TNIK: variants seen among roughly 807,000 people sequenced by gnomAD.
TNIK encodes the protein TRAF2 and NCK-interacting protein kinase.
TNIK carries 49 observed loss-of-function variants against 191.3 expected under a neutral mutation model. The observed-to-expected ratio is 0.26, with a 90% CI of 0.20 to 0.32. TNIK has a LOEUF of 0.32. Among genes scored for constraint, TNIK ranks in the 10% least tolerant of loss-of-function variants. The pLI is 1.00. For missense variants in TNIK, 1,155 were observed against 1,702.3 expected, an observed-to-expected ratio of 0.68 and a Z score of 5.66; for synonymous variants, 594 against 600.9, an observed-to-expected ratio of 0.99 and a Z score of 0.17.
chr3:171,293,132 G>A (rs2082015772), intron 2 of TNIK, among the ~76,000 whole-genome samples: 1 of 152,134 alleles, frequency 6.6e-6, no homozygotes, highest in South Asian at 2.1e-4. Context: ...TCTGTGGAAA[G>A]GTTAGTGTGT....
chr3:171,337,978 A>T (rs1757128505), intron 2 of TNIK, among the ~76,000 whole-genome samples: 1 of 152,176 alleles, frequency 6.6e-6, no homozygotes, highest in Non-Finnish European at 1.5e-5. Context: ...AAGGGAGAGA[A>T]GCTGTTCTAA....
intron 23 of TNIK, among the ~76,000 whole-genome samples, chr3:171,091,569 C>T (rs927423169): frequency 1.3e-5 from 2 of 152,008 alleles, no homozygotes; most frequent in Admixed American, 1.3e-4. Context: ...ACAGTGAAAC[C>T]CCATCTCTAC....
chr3:171,231,017 G>A (rs1246479775), intron 2 of TNIK, among the ~76,000 whole-genome samples: 2 of 152,214 alleles, frequency 1.3e-5, no homozygotes, highest in East Asian at 3.9e-4. Flanking sequence ...TGCACTTTGA[G>A]AGACTTTGCA....
chr3:171,093,440 T>C (rs1259157502), intron 23 of TNIK, among the ~76,000 whole-genome samples: 1 of 152,216 alleles, frequency 6.6e-6, no homozygotes, highest in African/African-American at 2.4e-5. Flanking sequence ...TGAGCATTTT[T>C]TATACGAAAT....
intron 2 of TNIK, among the ~76,000 whole-genome samples, chr3:171,312,302 T>C (rs1049570182): frequency 6.6e-6 from 1 of 151,918 alleles, no homozygotes; most frequent in Admixed American, 6.6e-5. Context: ...TTTCTAATTC[T>C]TCCAAAATTA....
In TNIK at chr3:171,107,176, T is replaced by C; in HGVS notation, c.2406+7A>G. ...TGAAAGCATGACCAAGAAAAGGTAATACTAACCTCATCTATAGCTTTTTTG... is the reference window on the plus strand; with the variant it reads ...TGAAAGCATGACCAAGAAAAGGTAACACTAACCTCATCTATAGCTTTTTTG... On this transcript the variant is annotated splice_region_variant and intron_variant, in intron 21 of 32. Transcript: ENST00000436636. The C allele has an allele frequency of 1.2e-6, 2 of 1,611,832 alleles. No individual in the cohort carries two copies. Among genetic ancestry groups the C allele is most frequent in the Non-Finnish European group, 1.7e-6 (2 of 1,179,120 alleles).
chr3:171,133,583 C>CA (rs1729601644), intron 15 of TNIK, among the ~76,000 whole-genome samples: 1 of 152,202 alleles, frequency 6.6e-6, no homozygotes, highest in South Asian at 2.1e-4. Flanking sequence ...AGGCAGGAGA[C>CA]ACGCCCTAGG....
rs1012212981 is a variant in TNIK at position 171,460,329 on chromosome 3, G to T, written c.-266C>A. On this transcript the variant is annotated 5_prime_UTR_variant, in exon 1 of 33. Transcript: ENST00000436636. This position sits in a 1 kb window ranked among gnomAD's most constrained non-coding sequence, Gnocchi z 6.8. ...CTGAGCGCCCCGATCGGCTAAGGGC[G>T]CTGGGGCTGCGTGGGTGTATTTAAA... The T allele has an allele frequency of 1.1e-5, 6 of 559,824 alleles. No homozygotes were observed. The highest frequency in any genetic ancestry group is 4.7e-4 in the Middle Eastern group (1 of 2,108). The allele number at this position is 559,824 out of a possible 1,614,324, so 34.7% of individuals were successfully genotyped here.
intron 2 of TNIK, among the ~76,000 whole-genome samples, chr3:171,302,144 A>T (rs1352731773): frequency 1.3e-5 from 2 of 152,126 alleles, no homozygotes; most frequent in South Asian, 2.1e-4. Flanking sequence ...CAGCTGACTG[A>T]GCTTGGGTTA....
At chr3:171,085,015 C>T in intron 25 of TNIK, 103 bp downstream of exon 25, 1 of 807,896 alleles carries the variant, frequency 1.2e-6, no homozygotes, top group East Asian at 2.7e-5. Context: ...AGGACCTAAG[C>T]AGTAATCAGC....
At chr3:171,367,979 A>G (rs972198335) in intron 2 of TNIK, among the ~76,000 whole-genome samples, 1 of 152,216 alleles carries the variant, frequency 6.6e-6, no homozygotes, top group Non-Finnish European at 1.5e-5. Context: ...ATCCTTTAGA[A>G]TAATAATGTT....
chr3:171,207,301 A>G (rs1017436227), intron 4 of TNIK, among the ~76,000 whole-genome samples: 1 of 152,120 alleles, frequency 6.6e-6, no homozygotes, highest in Non-Finnish European at 1.5e-5. Context: ...CCAACAGCAT[A>G]CAAGGGTTCC....
At chr3:171,194,697 G>T in intron 4 of TNIK, 62 bp from the exon 5 acceptor site, 1 of 1,482,656 alleles carries the variant, frequency 6.7e-7, no homozygotes, top group Non-Finnish European at 9.3e-7. Context: ...ATTAAGTTGG[G>T]GTAAGAAAGC....
chr3:171,263,461 G>A (rs1227180471), intron 2 of TNIK, among the ~76,000 whole-genome samples: 1 of 151,974 alleles, frequency 6.6e-6, no homozygotes, highest in African/African-American at 2.4e-5. Context: ...GAACAATTTT[G>A]AGAGAAAAAA....
chr3:171,442,194 C>T (rs1293677099), intron 1 of TNIK, among the ~76,000 whole-genome samples: 1 of 152,184 alleles, frequency 6.6e-6, no homozygotes, highest in Non-Finnish European at 1.5e-5. Context: ...AGGCAGCAGC[C>T]ACACGGAGGA....
intron 2 of TNIK, among the ~76,000 whole-genome samples, chr3:171,325,618 T>C (rs538936595): frequency 6.6e-6 from 1 of 152,318 alleles, no homozygotes; most frequent in East Asian, 1.9e-4. Flanking sequence ...TTAAATGTTA[T>C]TGTTTATCTG....
intron 1 of TNIK, among the ~76,000 whole-genome samples, chr3:171,392,593 A>G (rs906654223): frequency 6.6e-6 from 1 of 152,104 alleles, no homozygotes; most frequent in Non-Finnish European, 1.5e-5. Context: ...CAGCCTGGCC[A>G]ACATGGCAAA....
intron 2 of TNIK, among the ~76,000 whole-genome samples, chr3:171,342,052 A>G (rs376619971): frequency 1.8e-4 from 27 of 152,372 alleles, no homozygotes; most frequent in African/African-American, 6.5e-4. Context: ...AACAACATAT[A>G]ATAATTTAAA....
At chr3:171,279,423 G>A (rs1452428898) in intron 2 of TNIK, among the ~76,000 whole-genome samples, 1 of 152,088 alleles carries the variant, frequency 6.6e-6, no homozygotes, top group Admixed American at 6.6e-5. Flanking sequence ...AGAACTCCTA[G>A]GTCAAAGGAC....
Sources: allele counts gnomAD v4.1 joint callset (sites outside exome capture counted in the v4.1 genomes callset), GRCh38; gene constraint gnomAD v4.1.1; non-coding constraint Gnocchi (gnomAD v3.1); transcripts MANE v1.5; gene names NCBI Gene and HGNC (gene_info 2026-07-23, HGNC 2026-07-21).